LRRC72: variants seen among roughly 807,000 people sequenced by gnomAD.
The protein encoded by LRRC72 is leucine-rich repeat-containing protein 72.
Under a neutral mutation model 35.8 loss-of-function variants are expected in LRRC72, and 41 were observed. The observed-to-expected ratio is 1.15, with a 90% CI of 0.89 to 1.49. The LOEUF is 1.49. Among genes scored for constraint, LRRC72 ranks in the 40% most tolerant of loss-of-function variants. LRRC72 has a pLI of 0.00. For missense variants in LRRC72, 389 were observed against 330.7 expected (o/e 1.18, Z -1.37); for synonymous variants, 118 against 119.2 (o/e 0.99, Z 0.07).
intron 5 of LRRC72, among the ~76,000 whole-genome samples, chr7:16,563,363 G>C (rs1782775233): frequency 6.6e-6 from 1 of 152,038 alleles, no homozygotes; most frequent in Non-Finnish European, 1.5e-5. Context: ...AGGTAGTAGA[G>C]ACATTTTGAT....
At chr7:16,574,885 G>T (rs1783011299) in intron 7 of LRRC72, among the ~76,000 whole-genome samples, 1 of 151,976 alleles carries the variant, frequency 6.6e-6, no homozygotes, top group Non-Finnish European at 1.5e-5. Flanking sequence ...GGAGTCCAAG[G>T]CAGGCGGATA....
chr7:16,559,037 T>C (rs537286908), intron 5 of LRRC72, 38 bp downstream of exon 5: 29 of 1,157,334 alleles, frequency 2.5e-5, no homozygotes, highest in Admixed American at 2.2e-4. Context: ...TAAGTTAAAA[T>C]AGTATTAACA....
rs575850919 is a variant in LRRC72 at position 16,531,182 on chromosome 7, A to C, written c.91-1313A>C. The stretch of plus-strand genomic sequence containing the variant: ...TGGGCAACAGAGCAAAACTCTCTCA[A>C]AAAAAAAAAAAAGAAAAACAAAAAC... On this transcript the variant is annotated intron_variant, in intron 1 of 8. Transcript: ENST00000401542. 9.3e-3 allele frequency among the ~76,000 whole-genome samples: 1,366 copies of C among 146,322 alleles called. 18 individuals are homozygous for C. Among genetic ancestry groups the C allele is most frequent in the Middle Eastern group, 0.046 (13 of 280 alleles).
intron 7 of LRRC72, among the ~76,000 whole-genome samples, chr7:16,578,344 G>T (rs1271848769): frequency 6.6e-6 from 1 of 152,016 alleles, no homozygotes; most frequent in East Asian, 1.9e-4. Flanking sequence ...GTGGTAGCAG[G>T]CGCCTGTAAT....
intron 5 of LRRC72, among the ~76,000 whole-genome samples, chr7:16,559,966 T>C (rs997006380): frequency 4.6e-5 from 7 of 151,690 alleles, no homozygotes; most frequent in Non-Finnish European, 8.8e-5. Context: ...TCACACCCAG[T>C]AAGGAACTAA....
intron 3 of LRRC72, among the ~76,000 whole-genome samples, chr7:16,556,549 G>C (rs74627537): frequency 0.02 from 3,001 of 152,326 alleles, 29 homozygotes; most frequent in Non-Finnish European, 0.029. Flanking sequence ...TGATCTGGCA[G>C]AGCTGCCTCC....
rs1213240543 is a variant in LRRC72, at chr7:16,558,887, A to G, written c.317-2A>G. 2 of 1,385,932 alleles carry G rather than the reference A, an allele frequency of 1.4e-6. No homozygotes were observed. Among genetic ancestry groups the G allele is most frequent in the Non-Finnish European group, 9.5e-7 (1 of 1,056,046 alleles). 85.9% of individuals were successfully genotyped at this position (1,385,932 alleles called of 1,614,324 possible). On this transcript the variant is annotated splice_acceptor_variant, in intron 4 of 8. Transcript: ENST00000401542. LOFTEE classifies it high-confidence loss of function. Reference sequence around the variant, plus strand: ...CTTGTAAAAATATTCTGTTTTTTTTAGGTCTGCATTATTTGCCTTCATTGC... The same window carrying G: ...CTTGTAAAAATATTCTGTTTTTTTTGGGTCTGCATTATTTGCCTTCATTGC...
chr7:16,555,900 A>T (rs993218598), intron 3 of LRRC72, among the ~76,000 whole-genome samples: 3 of 152,228 alleles, frequency 2.0e-5, no homozygotes, highest in African/African-American at 7.2e-5. Context: ...CTCGTTCATG[A>T]GAATCTTTTC....
At chr7:16,564,006 A>C (rs543167588) in intron 5 of LRRC72, among the ~76,000 whole-genome samples, 11 of 152,336 alleles carry the variant, frequency 7.2e-5, no homozygotes, top group Middle Eastern at 3.4e-3. Context: ...TCCATATAGA[A>C]GTTACTTAAC....
At chr7:16,529,735 G>C (rs1209892052) in intron 1 of LRRC72, among the ~76,000 whole-genome samples, 1 of 152,170 alleles carries the variant, frequency 6.6e-6, no homozygotes, top group Non-Finnish European at 1.5e-5. Flanking sequence ...AATTATGATA[G>C]TGATTTACAT....
intron 3 of LRRC72, among the ~76,000 whole-genome samples, chr7:16,545,750 A>T (rs1782434133): frequency 6.6e-6 from 1 of 152,226 alleles, no homozygotes; most frequent in Non-Finnish European, 1.5e-5. Flanking sequence ...TTTAAAAAGC[A>T]AATCAATATA....
At chr7:16,538,730 C>T (rs1782306655) in intron 3 of LRRC72, among the ~76,000 whole-genome samples, 1 of 152,196 alleles carries the variant, frequency 6.6e-6, no homozygotes, top group African/African-American at 2.4e-5. Context: ...TGGTTCCCTC[C>T]ATGTTGTTCT....
chr7:16,562,957 C>A (rs1412732770), intron 5 of LRRC72, among the ~76,000 whole-genome samples: 1 of 152,096 alleles, frequency 6.6e-6, no homozygotes, highest in Non-Finnish European at 1.5e-5. Context: ...TGGTGGCCAC[C>A]AGATTTTTAG....
intron 1 of LRRC72, among the ~76,000 whole-genome samples, chr7:16,532,088 C>T (rs1348791863): frequency 6.6e-6 from 1 of 152,162 alleles, no homozygotes; most frequent in African/African-American, 2.4e-5. Context: ...CTACTCTCTC[C>T]ACCTCCAACC....
chr7:16,533,270 G>T (rs982205270), intron 2 of LRRC72, among the ~76,000 whole-genome samples: 1 of 152,012 alleles, frequency 6.6e-6, no homozygotes, highest in Non-Finnish European at 1.5e-5. Context: ...TATATCAACA[G>T]ACCACTTTGA....
At chr7:16,529,363 TC>T (rs1265817426) in intron 1 of LRRC72, among the ~76,000 whole-genome samples, 3 of 152,192 alleles carry the variant, frequency 2.0e-5, no homozygotes, top group African/African-American at 7.2e-5. Flanking sequence ...CCTGAAATCT[TC>T]CAGCGTGTCC....
Position 16,532,660 on chromosome 7 carries a change from T to TC in LRRC72, c.164+97dup, listed in dbSNP as rs779938028. 23 of 1,065,340 alleles carry TC rather than the reference T, an allele frequency of 2.2e-5. No individual in the cohort carries two copies. In the East Asian group the frequency reaches 4.9e-4, roughly 23 times the overall value. The allele number at this position is 1,065,340 out of a possible 1,614,324, so 66.0% of individuals were successfully genotyped here. Reference sequence around the variant, plus strand: ...AGATTCAAATGTTATTTTCCATTTTTCCCCCTCAAGGACTGGGTAGGACTC... The same window carrying TC: ...AGATTCAAATGTTATTTTCCATTTTTCCCCCCTCAAGGACTGGGTAGGACTC... On this transcript the variant is annotated intron_variant, in intron 2 of 8. Coordinates refer to ENST00000401542, the MANE Select transcript of LRRC72 (RefSeq NM_001195280.2).
intron 3 of LRRC72, among the ~76,000 whole-genome samples, chr7:16,538,713 A>G (rs1475636204): frequency 1.3e-5 from 2 of 152,230 alleles, no homozygotes; most frequent in Non-Finnish European, 1.5e-5. Flanking sequence ...TGACTGGATC[A>G]TGGGGATGGT....
At chr7:16,573,686 A>C (rs1378057949) in intron 7 of LRRC72, among the ~76,000 whole-genome samples, 1 of 152,226 alleles carries the variant, frequency 6.6e-6, no homozygotes. Context: ...TGTGAGACCT[A>C]AAACCATAAA....
Sources: allele counts gnomAD v4.1 joint callset (sites outside exome capture counted in the v4.1 genomes callset), GRCh38; gene constraint gnomAD v4.1.1; transcripts MANE v1.5; gene names NCBI Gene and HGNC (gene_info 2026-07-23, HGNC 2026-07-21).